Variants in TSHZ2 observed in about 807,000 individuals in gnomAD.
TSHZ2 encodes teashirt homolog 2.
In TSHZ2, 21 loss-of-function variants were observed where a neutral mutation model predicts 74.4. The observed-to-expected ratio is 0.28, with a 90% CI of 0.20 to 0.41. TSHZ2 has a LOEUF of 0.41. Among genes scored for constraint, TSHZ2 ranks in the 10% least tolerant of loss-of-function variants. TSHZ2 has a pLI of 1.00. For synonymous variants in TSHZ2, 540 were observed against 515.3 expected, an observed-to-expected ratio of 1.05 and a Z score of -0.65; for missense variants, 1,244 against 1,293.5, an observed-to-expected ratio of 0.96 and a Z score of 0.59.
intron 1 of TSHZ2, among the ~76,000 whole-genome samples, chr20:53,177,952 A>G (rs1261079937): frequency 6.6e-6 from 1 of 152,194 alleles, no homozygotes; most frequent in Non-Finnish European, 1.5e-5. Context: ...TGCCTGGTGC[A>G]TTGTAAGCAC....
At chr20:53,466,555 C>T (rs1474602938) in intron 2 of TSHZ2, among the ~76,000 whole-genome samples, 1 of 152,192 alleles carries the variant, frequency 6.6e-6, no homozygotes, top group Non-Finnish European at 1.5e-5. Flanking sequence ...GCATGTAGAC[C>T]TCTTTCAAAC....
chr20:53,338,608 T>C (rs548862489), intron 2 of TSHZ2, among the ~76,000 whole-genome samples: 2 of 152,284 alleles, frequency 1.3e-5, no homozygotes, highest in Admixed American at 6.5e-5. Context: ...GGTACTGGCA[T>C]CTGGCAGATA....
intron 2 of TSHZ2, among the ~76,000 whole-genome samples, chr20:53,260,882 A>G (rs1298415270): frequency 6.6e-6 from 1 of 152,200 alleles, no homozygotes; most frequent in Non-Finnish European, 1.5e-5. Flanking sequence ...AACTCTAACT[A>G]ATTAATAATC....
chr20:53,136,090 A>G lies in TSHZ2; in HGVS notation c.41-117409A>G, dbSNP rs1987239650. Reference sequence around the variant, plus strand: ...GGTGAGGGCCTTCTTGCTGGTGGGGACACTCCACAGAGTCCCAAGGTAGCA... The same window carrying G: ...GGTGAGGGCCTTCTTGCTGGTGGGGGCACTCCACAGAGTCCCAAGGTAGCA... On this transcript the variant is annotated intron_variant, in intron 1 of 2. Coordinates refer to ENST00000371497, the MANE Select transcript of TSHZ2 (RefSeq NM_173485.6). 2.0e-5 allele frequency among the ~76,000 whole-genome samples: 3 copies of G among 152,154 alleles called. No individual in the cohort carries two copies. The South Asian group carries it at 6.2e-4, about 32-fold the overall frequency.
chr20:53,463,443 G>GA, intron 2 of TSHZ2, among the ~76,000 whole-genome samples: 3 of 143,402 alleles, frequency 2.1e-5, no homozygotes, highest in Admixed American at 7.0e-5. Flanking sequence ...AGGAGGGAGG[G>GA]AGGGAAGGAA....
At chr20:53,160,334 A>G (rs1252271016) in intron 1 of TSHZ2, among the ~76,000 whole-genome samples, 1 of 152,174 alleles carries the variant, frequency 6.6e-6, no homozygotes, top group Admixed American at 6.5e-5. Flanking sequence ...TCCACATCAA[A>G]TCCCTTATGG....
Position 53,468,324 on chromosome 20 carries a change from T to C in TSHZ2, c.*9-18820T>C, listed in dbSNP as rs183296084. On this transcript the variant is annotated intron_variant, in intron 2 of 2. Coordinates refer to ENST00000371497, the MANE Select transcript of TSHZ2 (RefSeq NM_173485.6). Reference sequence around the variant, plus strand: ...CTCATGCCATTTCTCTCATTTCTGTTTCTTAACTACTTGGGCAGCCTGCAG... The same window carrying C: ...CTCATGCCATTTCTCTCATTTCTGTCTCTTAACTACTTGGGCAGCCTGCAG... 8.5e-4 allele frequency among the ~76,000 whole-genome samples: 130 copies of C among 152,354 alleles called. 1 individual carries two copies. The highest frequency in any genetic ancestry group is 6.2e-4 in the South Asian group (3 of 4,830).
intron 2 of TSHZ2, among the ~76,000 whole-genome samples, chr20:53,448,625 G>A (rs557812420): frequency 1.4e-4 from 22 of 152,288 alleles, no homozygotes; most frequent in African/African-American, 5.3e-4. Context: ...TATTACTGGT[G>A]ATGTGAACTT....
intron 2 of TSHZ2, among the ~76,000 whole-genome samples, chr20:53,277,424 T>C (rs1013922004): frequency 4.0e-5 from 6 of 151,400 alleles, no homozygotes; most frequent in Admixed American, 2.0e-4. Flanking sequence ...AAACTTGCTT[T>C]CACTTTGCAA....
At chr20:53,158,222 T>C (rs552334067) in intron 1 of TSHZ2, among the ~76,000 whole-genome samples, 1 of 152,074 alleles carries the variant, frequency 6.6e-6, no homozygotes, top group Non-Finnish European at 1.5e-5. Flanking sequence ...AAGGCAAAAG[T>C]GGAAGAGGCC....
chr20:52,998,871 C>G (rs1324556694), intron 1 of TSHZ2, among the ~76,000 whole-genome samples: 1 of 152,202 alleles, frequency 6.6e-6, no homozygotes, highest in Non-Finnish European at 1.5e-5. Context: ...TTTATCTCTT[C>G]AGGAATGTTC....
chr20:53,266,316 C>G, intron 2 of TSHZ2, among the ~76,000 whole-genome samples: 1 of 152,288 alleles, frequency 6.6e-6, no homozygotes, highest in African/African-American at 2.4e-5. Context: ...CTTCTGGAAA[C>G]AAGAAGTTCA....
At chr20:53,040,664 G>A (rs1054900092) in intron 1 of TSHZ2, among the ~76,000 whole-genome samples, 1 of 151,802 alleles carries the variant, frequency 6.6e-6, no homozygotes, top group Admixed American at 6.6e-5. Flanking sequence ...GCCTGGTTGT[G>A]GGGGCTTAGC....
chr20:53,016,878 C>T (rs1178171943), intron 1 of TSHZ2, among the ~76,000 whole-genome samples: 3 of 152,126 alleles, frequency 2.0e-5, no homozygotes, highest in African/African-American at 7.2e-5. Flanking sequence ...ATCACAATGA[C>T]TTAACACAAC....
intron 1 of TSHZ2, among the ~76,000 whole-genome samples, chr20:53,009,163 C>CA (rs1317710901): frequency 6.6e-6 from 1 of 151,788 alleles, no homozygotes; most frequent in Non-Finnish European, 1.5e-5. Context: ...CCAATCGCTA[C>CA]AAAAAATATA....
intron 2 of TSHZ2, among the ~76,000 whole-genome samples, chr20:53,440,361 G>C (rs528942305): frequency 6.6e-6 from 1 of 152,202 alleles, no homozygotes; most frequent in African/African-American, 2.4e-5. Context: ...TAATGGAGCT[G>C]AGCCTTCTGC....
chr20:53,302,804 T>C (rs1177804331), intron 2 of TSHZ2, among the ~76,000 whole-genome samples: 1 of 152,188 alleles, frequency 6.6e-6, no homozygotes, highest in Admixed American at 6.5e-5. Flanking sequence ...AATGTTCATT[T>C]CCATAAAATT....
At chr20:53,018,333 C>A (rs1983114910) in intron 1 of TSHZ2, among the ~76,000 whole-genome samples, 1 of 152,142 alleles carries the variant, frequency 6.6e-6, no homozygotes. Flanking sequence ...ATGTCATATA[C>A]CAAGTTCCCA....
At chr20:53,076,996 G>C (rs1029412849) in intron 1 of TSHZ2, among the ~76,000 whole-genome samples, 1 of 152,186 alleles carries the variant, frequency 6.6e-6, no homozygotes, top group Non-Finnish European at 1.5e-5. Flanking sequence ...CTTAGAGAGA[G>C]TGGAGAGGTA....
Sources: allele counts gnomAD v4.1 joint callset (sites outside exome capture counted in the v4.1 genomes callset), GRCh38; gene constraint gnomAD v4.1.1; transcripts MANE v1.5; gene names NCBI Gene and HGNC (gene_info 2026-07-23, HGNC 2026-07-21).